Variants in NUP62 observed in about 807,000 individuals in gnomAD.
The protein encoded by NUP62 is nucleoporin 62, also known as nuclear pore glycoprotein p62.
For missense variants in NUP62, 647 were observed against 689.4 expected, an observed-to-expected ratio of 0.94 and a Z score of 0.69; for synonymous variants, 305 against 303.4, an observed-to-expected ratio of 1.01 and a Z score of -0.05.
Position 49,908,845 on chromosome 19 carries a change from C to T in NUP62, c.963G>A (p.Gly321=). 1 of 1,612,596 alleles carries T rather than the reference C, an allele frequency of 6.2e-7. No individual in the cohort carries two copies. Among genetic ancestry groups the T allele is most frequent in the Non-Finnish European group, 8.5e-7 (1 of 1,179,994 alleles). ...AGGTCATGGCGGAGCTGGCAGCCGC[C>T]CCTGCAGCTGCGCCAGGGCCAGGTG... ...TAPPGPGAAA[G]AAASSAMTYA... Residue 321 remains glycine (G), a synonymous_variant, in exon 3 of 3, where the codon GGG becomes GGA. Coordinates refer to ENST00000352066, the MANE Select transcript of NUP62 (RefSeq NM_016553.5).
At chr19:49,923,380 C>A (rs971846874) in intron 2 of NUP62, among the ~76,000 whole-genome samples, 1 of 152,156 alleles carries the variant, frequency 6.6e-6, no homozygotes, top group African/African-American at 2.4e-5. Context: ...TGTATTGATG[C>A]CTACGGAAAT....
chr19:49,914,726 GTTTTTTTTTTTTTTTTTT>G (rs530372497), intron 2 of NUP62, among the ~76,000 whole-genome samples: 4 of 56,404 alleles, frequency 7.1e-5, no homozygotes, highest in African/African-American at 1.3e-4. Flanking sequence ...CCAAGTCCCA[GTTTTTTTTTTTTTTTTTT>G]TTTTTTTTTT....
In NUP62 at chr19:49,908,723, T is replaced by G; in HGVS notation, c.1085A>C (p.Asp362Ala). 1 of 1,613,146 alleles carries G rather than the reference T, an allele frequency of 6.2e-7. No homozygotes were observed. The highest frequency in any genetic ancestry group is 8.5e-7 in the Non-Finnish European group (1 of 1,180,032). The change falls in exon 3 of 3, where the codon GAC becomes GCC. Residue 362 changes from aspartate (D) to alanine (A), a missense_variant. By Grantham distance (126) the Asp-to-Ala change is moderately radical. Coordinates refer to ENST00000352066, the MANE Select transcript of NUP62 (RefSeq NM_016553.5). ...LQQATQVNAWDRTLIENGEKI... is the reference protein window; with the variant it reads ...LQQATQVNAWARTLIENGEKI... ...TTCTCCATTCTCGATCAGCGTGCGGTCCCAGGCGTTGACCTGGGTGGCCTG... is the reference window on the plus strand; with the variant it reads ...TTCTCCATTCTCGATCAGCGTGCGGGCCCAGGCGTTGACCTGGGTGGCCTG...
chr19:49,910,096 C>T lies in NUP62; in HGVS notation c.-77-212G>A, dbSNP rs3745490. ...GAGGAGCCGGGGTGCTAGGGACGTG[C>T]GTGGCCATGTTCAGCCCAGTGGAAA... On this transcript the variant is annotated intron_variant, in intron 2 of 2. Coordinates refer to ENST00000352066, the MANE Select transcript of NUP62 (RefSeq NM_016553.5). Among the ~76,000 whole-genome samples, 19 of 152,138 alleles carry T rather than the reference C, an allele frequency of 1.2e-4. No individual in the cohort carries two copies. In the East Asian group the frequency reaches 3.3e-3, roughly 26 times the overall value.
rs3786665 is a variant in NUP62, at chr19:49,921,775, C to T, written c.-78+5919G>A. Among the ~76,000 whole-genome samples, 49,650 of 151,918 alleles carry T rather than the reference C, an allele frequency of 0.33. 8,442 individuals carry two copies. The highest frequency in any genetic ancestry group is 0.41 in the East Asian group (2,095 of 5,146). Reference sequence around the variant, plus strand: ...CTCTCCCCGCAGCTCCGACCATGACCATCCATCCTATGAGTGCTGGCTGGG... The same window carrying T: ...CTCTCCCCGCAGCTCCGACCATGACTATCCATCCTATGAGTGCTGGCTGGG... On this transcript the variant is annotated intron_variant, in intron 2 of 2. Coordinates refer to ENST00000352066, the MANE Select transcript of NUP62 (RefSeq NM_016553.5). The surrounding 1 kb of genome is among the most constrained non-coding windows in gnomAD (Gnocchi z 5.4).
Position 49,908,458 on chromosome 19 carries a change from A to G in NUP62, c.1350T>C (p.Asp450=), listed in dbSNP as rs2075372652. Reference sequence around the variant, plus strand: ...TCAGGTGCTCGATGATGTCCTTGAGATCCTGGGCCATGCGCTTGAGCTGTG... The same window carrying G: ...TCAGGTGCTCGATGATGTCCTTGAGGTCCTGGGCCATGCGCTTGAGCTGTG... ...IDAQLKRMAQ[D]LKDIIEHLNT... Residue 450 remains aspartate, a synonymous_variant, in exon 3 of 3, where the codon GAT becomes GAC. Transcript: ENST00000352066. The G allele has an allele frequency of 6.2e-7, 1 of 1,613,948 alleles. No homozygotes were observed. The highest frequency in any genetic ancestry group is 1.7e-5 in the Admixed American group (1 of 59,998).
In NUP62 at chr19:49,909,026, G is replaced by T; in HGVS notation, c.782C>A (p.Pro261His). ...AGTQGFSLKA[P>H]GAASGTSTTT... is the part of the protein sequence containing the mutation. Reference sequence around the variant, plus strand: ...TGTGGAGGTGCCGGAAGCTGCTCCAGGTGCCTTTAAGCTGAAGCCCTGTGT... The same window carrying T: ...TGTGGAGGTGCCGGAAGCTGCTCCATGTGCCTTTAAGCTGAAGCCCTGTGT... Residue 261 changes from proline (P) to histidine (H), a missense_variant, in exon 3 of 3, where the codon CCT (proline) becomes CAT (histidine). By Grantham distance (77) the Pro-to-His change is moderately conservative (BLOSUM62 -2). Coordinates refer to ENST00000352066, the MANE Select transcript of NUP62 (RefSeq NM_016553.5). 2 of 1,613,212 alleles carry T rather than the reference G, an allele frequency of 1.2e-6. No homozygotes were observed.
intron 2 of NUP62, among the ~76,000 whole-genome samples, chr19:49,914,983 G>T (rs1481747302): frequency 6.6e-6 from 1 of 151,794 alleles, no homozygotes; most frequent in Non-Finnish European, 1.5e-5. Context: ...CAGGTGATCT[G>T]CCCACCTTGG....
intron 2 of NUP62, among the ~76,000 whole-genome samples, chr19:49,915,967 T>C (rs77512020): frequency 6.6e-6 from 1 of 152,244 alleles, no homozygotes; most frequent in Non-Finnish European, 1.5e-5. Context: ...TGTTCCCTGC[T>C]GTATTCGCAG....
At position 49,907,201 on chromosome 19, in the gene NUP62, G is replaced by C. The variant is rs2075340589; in HGVS notation, c.*1038C>G. On this transcript the variant is annotated 3_prime_UTR_variant, in exon 3 of 3. Coordinates refer to ENST00000352066, the MANE Select transcript of NUP62 (RefSeq NM_016553.5). ...AGGCACAAACGGCTAGCACAGGATA[G>C]CATAACAAGTGCCACCCAAGGTACA... is the stretch of plus-strand genomic sequence containing the variant. 4.5e-6 allele frequency: 1 copy of C among 220,172 alleles called. No homozygotes were observed. Among genetic ancestry groups the C allele is most frequent in the South Asian group, 5.0e-5 (1 of 20,076 alleles). The allele number at this position is 220,172 out of a possible 1,614,324, so 13.6% of individuals were successfully genotyped here.
chr19:49,912,102 C>A (rs1474327939), intron 2 of NUP62, among the ~76,000 whole-genome samples: 1 of 151,400 alleles, frequency 6.6e-6, no homozygotes, highest in Non-Finnish European at 1.5e-5. Context: ...AAGCTCTTTG[C>A]AACTATGAAA....
rs1277897453 is a variant in NUP62, at chr19:49,908,662, C to T, written c.1146G>A (p.Val382=). ...GGTCCAGCCTCTTCTGGTCCAGCTT[C>T]ACCTTCTCCACCTCGCGGTGCAGGC... is the stretch of plus-strand genomic sequence containing the variant. The part of the protein sequence containing the change: ...ITSLHREVEK[V]KLDQKRLDQE... The change falls in exon 3 of 3, where the codon GTG becomes GTA. Residue 382 remains valine (V), a synonymous_variant. Coordinates refer to ENST00000352066, the MANE Select transcript of NUP62 (RefSeq NM_016553.5). The T allele has an allele frequency of 3.5e-5, 56 of 1,612,352 alleles. No individual in the cohort carries two copies. Among genetic ancestry groups the T allele is most frequent in the Non-Finnish European group, 4.7e-5 (55 of 1,180,048 alleles).
rs1450876232 is a variant in NUP62, at chr19:49,908,285, C to T, written c.1523G>A (p.Gly508Asp). 6.2e-7 allele frequency: 1 copy of T among 1,613,930 alleles called. No individual in the cohort carries two copies. ...GCTGCGCTCCTGCTCCTTGCGCCGG[C>T]CCTCGCACACCTTGGTCACCTCCTC... ...KVEEVTKVCE[G>D]RRKEQERSFR... is the part of the protein sequence containing the mutation. The change falls in exon 3 of 3, where the codon GGC (glycine) becomes GAC (aspartate). Residue 508 changes from glycine (G) to aspartate (D), a missense_variant. Gly to Asp is a moderately conservative substitution (Grantham distance 94). Transcript: ENST00000352066.
chr19:49,912,885 C>T (rs1476120202), intron 2 of NUP62: 3 of 152,196 alleles, frequency 2.0e-5, no homozygotes, highest in African/African-American at 7.2e-5. Context: ...GAAAGGAGAC[C>T]TACCATTACT....
rs1355974029 is a variant in NUP62, at chr19:49,909,031, C to T, written c.777G>A (p.Lys259=). ...AGGTGCCGGAAGCTGCTCCAGGTGC[C>T]TTTAAGCTGAAGCCCTGTGTCCCAG... ...PTAGTQGFSL[K]APGAASGTST... Residue 259 remains lysine (K), a synonymous_variant, in exon 3 of 3, where the codon AAG becomes AAA. Coordinates refer to ENST00000352066, the MANE Select transcript of NUP62 (RefSeq NM_016553.5). 3.1e-6 allele frequency: 5 copies of T among 1,613,120 alleles called. No homozygotes were observed. The highest frequency in any genetic ancestry group is 1.7e-5 in the Admixed American group (1 of 59,998).
At chr19:49,929,157 TGC>T in intron 1 of NUP62, 167 bp downstream of exon 1, 1 of 151,682 alleles carries the variant, frequency 6.6e-6, no homozygotes, top group South Asian at 2.1e-4. Flanking sequence ...GGGAGGGCCG[TGC>T]TCCGCCACCC....
rs530372497 is a variant in NUP62 at position 49,914,726 on chromosome 19, G to GTTTTTTTTTTTT, written c.-77-4854_-77-4843dup. On this transcript the variant is annotated intron_variant, in intron 2 of 2. Transcript: ENST00000352066. ...GATTCTTGTGCCACTCCAAGTCCCAGTTTTTTTTTTTTTTTTTTTTTTTTT... is the reference window on the plus strand; with the variant it reads ...GATTCTTGTGCCACTCCAAGTCCCAGTTTTTTTTTTTTTTTTTTTTTTTTTTTTTTTTTTTTT... Among the ~76,000 whole-genome samples, 91 of 56,398 alleles carry GTTTTTTTTTTTT rather than the reference G, an allele frequency of 1.6e-3. 14 individuals are homozygous for GTTTTTTTTTTTT. Among genetic ancestry groups the GTTTTTTTTTTTT allele is most frequent in the East Asian group, 6.5e-3 (8 of 1,230 alleles). The allele number at this position is 56,398 out of a possible 152,430, so 37.0% of individuals were successfully genotyped here. A position where few individuals can be genotyped will look rare whatever the true frequency, so the allele number is the denominator to read the frequency against.
intron 2 of NUP62, among the ~76,000 whole-genome samples, chr19:49,924,075 T>C (rs1035614179): frequency 5.9e-5 from 9 of 152,114 alleles, no homozygotes; most frequent in African/African-American, 2.2e-4. Flanking sequence ...ATCGATAGCG[T>C]CTGGCAACTG....
Position 49,909,185 on chromosome 19 carries a change from G to C in NUP62, c.623C>G (p.Pro208Arg), listed in dbSNP as rs747137579. The change falls in exon 3 of 3, where the codon CCC becomes CGC. Residue 208 changes from proline (P) to arginine (R), a missense_variant. Physicochemically the swap from Pro to Arg is moderately radical, Grantham distance 103. Coordinates refer to ENST00000352066, the MANE Select transcript of NUP62 (RefSeq NM_016553.5). ...TTAGATQPAAPTPTATITSTG... is the reference protein window; with the variant it reads ...TTAGATQPAARTPTATITSTG... The stretch of plus-strand genomic sequence containing the variant: ...GCTGGTGATGGTGGCTGTGGGTGTG[G>C]GAGCAGCTGGCTGTGTGGCACCTGC... 4 of 1,613,810 alleles carry C rather than the reference G, an allele frequency of 2.5e-6. No homozygotes were observed. The highest frequency in any genetic ancestry group is 3.4e-6 in the Non-Finnish European group (4 of 1,179,884).
Sources: allele counts gnomAD v4.1 joint callset (sites outside exome capture counted in the v4.1 genomes callset), GRCh38; gene constraint gnomAD v4.1.1; non-coding constraint Gnocchi (gnomAD v3.1); transcripts MANE v1.5; gene names NCBI Gene and HGNC (gene_info 2026-07-23, HGNC 2026-07-21).